The following CERS3 variants were observed in gnomAD, a reference collection of about 807,000 sequenced individuals.
CERS3 encodes ceramide synthase 3.
CERS3 carries 33 observed loss-of-function variants against 50.3 expected under a neutral mutation model. The ratio of observed to expected loss-of-function variants is 0.66; its 90% CI spans 0.50 to 0.88. CERS3 has a LOEUF of 0.88. CERS3 is among the 40% of genes least tolerant of loss of function. The probability of loss-of-function intolerance (pLI) is 0.00; values close to 1 mark genes in which losing one functional copy is unlikely to be tolerated. For synonymous variants in CERS3, 176 were observed against 155.2 expected (o/e 1.13, Z -0.99); for missense variants, 470 against 460.3 (o/e 1.02, Z -0.19).
At chr15:100,451,533 C>A (rs2034169070) in intron 11 of CERS3, among the ~76,000 whole-genome samples, 1 of 152,142 alleles carries the variant, frequency 6.6e-6, no homozygotes, top group Non-Finnish European at 1.5e-5. Context: ...GAAACCCTGT[C>A]TCTACTAAAA....
intron 7 of CERS3, among the ~76,000 whole-genome samples, chr15:100,477,837 C>T (rs1478954566): frequency 1.3e-5 from 2 of 152,156 alleles, no homozygotes; most frequent in African/African-American, 4.8e-5. Flanking sequence ...AAGGAATACC[C>T]TAGAATATGG....
chr15:100,430,901 G>A (rs1042375887), intron 11 of CERS3, among the ~76,000 whole-genome samples: 3 of 152,110 alleles, frequency 2.0e-5, no homozygotes, highest in Non-Finnish European at 2.9e-5. Context: ...CTGGCTACGC[G>A]TGGCCGTTTT....
chr15:100,405,541 T>G lies in CERS3; in HGVS notation c.1000-2676A>C, dbSNP rs79748027. Among the ~76,000 whole-genome samples the G allele has an allele frequency of 5.2e-3, 795 of 152,314 alleles. 7 individuals carry two copies. The highest frequency in any genetic ancestry group is 0.018 in the African/African-American group (761 of 41,576). ...CAAACTGTTGACATTTATAAGAAGT[T>G]TGATGAATCTTAAAGACATTATGCT... On this transcript the variant is annotated intron_variant, in intron 11 of 11. Transcript: ENST00000679737.
chr15:100,421,694 C>A (rs2032442161), intron 11 of CERS3, among the ~76,000 whole-genome samples: 1 of 149,948 alleles, frequency 6.7e-6, no homozygotes, highest in Non-Finnish European at 1.5e-5. Flanking sequence ...TACGACAAGG[C>A]TACAGTAACC....
chr15:100,468,860 G>T (rs2034870635), intron 10 of CERS3, among the ~76,000 whole-genome samples: 1 of 152,142 alleles, frequency 6.6e-6, no homozygotes, highest in African/African-American at 2.4e-5. Context: ...AGAACCAGTG[G>T]TCATAGAGAA....
At chr15:100,468,886 T>C (rs190255564) in intron 10 of CERS3, among the ~76,000 whole-genome samples, 1 of 152,258 alleles carries the variant, frequency 6.6e-6, no homozygotes. Flanking sequence ...TAAACAAGTA[T>C]CAGTTTTCCT....
intron 11 of CERS3, among the ~76,000 whole-genome samples, chr15:100,403,840 C>A (rs1004275584): frequency 1.3e-5 from 2 of 151,904 alleles, no homozygotes; most frequent in African/African-American, 4.8e-5. Context: ...AAAACATCCA[C>A]AATCACTTCC....
At chr15:100,525,054 C>T (rs1373776387) in intron 1 of CERS3, among the ~76,000 whole-genome samples, 1 of 152,138 alleles carries the variant, frequency 6.6e-6, no homozygotes, top group Non-Finnish European at 1.5e-5. Context: ...ATATGCCTTA[C>T]CTGTGAATTT....
intron 11 of CERS3, among the ~76,000 whole-genome samples, chr15:100,415,870 T>A: frequency 6.6e-6 from 1 of 152,040 alleles, no homozygotes; most frequent in East Asian, 1.9e-4. Flanking sequence ...GATAATGGGT[T>A]GATAGGTGCA....
Position 100,448,229 on chromosome 15 carries a change from C to T in CERS3, c.999+7664G>A, listed in dbSNP as rs564731592. Among the ~76,000 whole-genome samples the T allele has an allele frequency of 2.0e-5, 3 of 152,212 alleles. No individual in the cohort carries two copies. The South Asian group carries it at 6.2e-4, about 32-fold the overall frequency. On this transcript the variant is annotated intron_variant, in intron 11 of 11. Coordinates refer to ENST00000679737, the MANE Select transcript of CERS3 (RefSeq NM_001378789.1). ...ATAACTAGAGGCATCGGGTACATGC[C>T]TCCTCCACAGAGGAACCAAATAGCG...
chr15:100,472,884 A>G (rs747714645), intron 9 of CERS3, 40 bp downstream of exon 9: 2 of 1,612,866 alleles, frequency 1.2e-6, no homozygotes, highest in Admixed American at 1.7e-5. Context: ...GAAACCCAGG[A>G]CATGGTATTG....
intron 11 of CERS3, among the ~76,000 whole-genome samples, chr15:100,429,935 A>AT (rs917929241): frequency 1.3e-4 from 19 of 150,880 alleles, no homozygotes; most frequent in East Asian, 5.8e-4. Context: ...CTTTTGGTGT[A>AT]TTTTTTTTTA....
intron 10 of CERS3, among the ~76,000 whole-genome samples, chr15:100,464,140 C>A (rs745737966): frequency 6.6e-6 from 1 of 152,144 alleles, no homozygotes; most frequent in Non-Finnish European, 1.5e-5. Flanking sequence ...ATCTGAAGTC[C>A]AGTGAACCAG....
Position 100,467,842 on chromosome 15 carries a change from T to TAGATAGATAGATAG in CERS3, c.845+1535_845+1536insCTATCTATCTATCT, listed in dbSNP as rs1374645090. ...ATATGTGTATATATATACGTGTATATATATATATATAGATAGATAGATAGA... is the reference window on the plus strand; with the variant it reads ...ATATGTGTATATATATACGTGTATATAGATAGATAGATAGATATATATATAGATAGATAGATAGA... On this transcript the variant is annotated intron_variant, in intron 10 of 11. Transcript: ENST00000679737. 7.7e-4 allele frequency among the ~76,000 whole-genome samples: 31 copies of TAGATAGATAGATAG among 40,128 alleles called. 2 individuals carry two copies. Among genetic ancestry groups the TAGATAGATAGATAG allele is most frequent in the African/African-American group, 1.7e-3 (26 of 15,680 alleles). The allele number at this position is 40,128 out of a possible 152,430, so 26.3% of individuals were successfully genotyped here.
chr15:100,544,062 T>C (rs1377127808), intron 1 of CERS3: 3 of 152,302 alleles, frequency 2.0e-5, no homozygotes, highest in Non-Finnish European at 2.9e-5. Flanking sequence ...CACATTTCAG[T>C]GCTCCCCACT....
intron 2 of CERS3, among the ~76,000 whole-genome samples, chr15:100,511,095 G>T (rs575739962): frequency 2.6e-4 from 40 of 152,066 alleles, no homozygotes; most frequent in Non-Finnish European, 5.3e-4. Context: ...TGAGGACCAG[G>T]CTGACCAACA....
At chr15:100,420,710 A>G (rs1332518074) in intron 11 of CERS3, among the ~76,000 whole-genome samples, 5 of 151,600 alleles carry the variant, frequency 3.3e-5, no homozygotes, top group Non-Finnish European at 7.4e-5. Context: ...CGAATCCAGC[A>G]GCACATCAAA....
At chr15:100,525,134 A>T (rs2036748787) in intron 1 of CERS3, among the ~76,000 whole-genome samples, 1 of 152,210 alleles carries the variant, frequency 6.6e-6, no homozygotes, top group Non-Finnish European at 1.5e-5. Flanking sequence ...ACATACACAC[A>T]TGTGTATGAA....
intron 11 of CERS3, among the ~76,000 whole-genome samples, chr15:100,446,364 GTT>G (rs11449303): frequency 5.5e-4 from 71 of 128,542 alleles, no homozygotes; most frequent in African/African-American, 2.1e-3. Context: ...AACTTCTCAG[GTT>G]TTTTTTTTTT....
Sources: allele counts gnomAD v4.1 joint callset (sites outside exome capture counted in the v4.1 genomes callset), GRCh38; gene constraint gnomAD v4.1.1; transcripts MANE v1.5; gene names NCBI Gene and HGNC (gene_info 2026-07-23, HGNC 2026-07-21).